Variants in PGM1 observed in about 807,000 individuals in gnomAD.
PGM1 encodes phosphoglucomutase 1.
Under a neutral mutation model 55.6 loss-of-function variants are expected in PGM1, and 52 were observed. The observed-to-expected ratio is 0.94, with a 90% CI of 0.75 to 1.18. The LOEUF is 1.18. Among genes scored for constraint, PGM1 ranks in the 50% most tolerant of loss-of-function variants. The probability of loss-of-function intolerance (pLI) is 0.00; values close to 1 mark genes in which losing one functional copy is unlikely to be tolerated. For missense variants in PGM1, 724 were observed against 729.3 expected, an observed-to-expected ratio of 0.99 and a Z score of 0.08; for synonymous variants, 287 against 271.7, an observed-to-expected ratio of 1.06 and a Z score of -0.55.
rs1649810104 is a variant in PGM1 at position 63,651,658 on chromosome 1, A to G, written c.1281-11A>G. On this transcript the variant is annotated splice_polypyrimidine_tract_variant and intron_variant, in intron 8 of 10. Coordinates refer to ENST00000371084, the MANE Select transcript of PGM1 (RefSeq NM_002633.3). ...TCAGCCCGTGGGCCTCAACTTCGTG[A>G]CTTCTTCCAGGTATGATTACGAGGA... 1 of 1,613,020 alleles carries G rather than the reference A, an allele frequency of 6.2e-7. No homozygotes were observed. Among genetic ancestry groups the G allele is most frequent in the Non-Finnish European group, 8.5e-7 (1 of 1,179,432 alleles).
intron 1 of PGM1, chr1:63,594,124 C>T (rs1360614986): frequency 2.0e-6 from 2 of 1,004,910 alleles, no homozygotes; most frequent in Non-Finnish European, 2.4e-6. Flanking sequence ...GCGCAGAGTG[C>T]TGTCGCCTTA....
chr1:63,655,143 T>TC, intron 10 of PGM1, among the ~76,000 whole-genome samples: 1 of 151,522 alleles, frequency 6.6e-6, no homozygotes, highest in East Asian at 1.9e-4. Context: ...TCATTTCCTT[T>TC]TTTTTTTTTT....
chr1:63,652,936 T>C (rs1186730686), intron 9 of PGM1, among the ~76,000 whole-genome samples: 1 of 152,046 alleles, frequency 6.6e-6, no homozygotes. Flanking sequence ...GAGAGACCTG[T>C]GGTTGAGGAA....
chr1:63,654,967 C>CTTTT (rs58711467), intron 10 of PGM1, among the ~76,000 whole-genome samples: 2 of 131,624 alleles, frequency 1.5e-5, no homozygotes, highest in African/African-American at 5.7e-5. Context: ...ATGAATCTCT[C>CTTTT]TTTTTTTTTT....
intron 1 of PGM1, among the ~76,000 whole-genome samples, chr1:63,627,058 C>G (rs1052332149): frequency 8.1e-6 from 1 of 123,130 alleles, no homozygotes; most frequent in African/African-American, 3.1e-5. Flanking sequence ...GCAGGACCCC[C>G]CCCCCCCCAC....
chr1:63,621,375 C>T (rs1265306876), intron 1 of PGM1, among the ~76,000 whole-genome samples: 1 of 151,834 alleles, frequency 6.6e-6, no homozygotes, highest in Non-Finnish European at 1.5e-5. Flanking sequence ...CCAAATTTAC[C>T]CTGGGATTTC....
chr1:63,623,622 G>A (rs1648944351), intron 1 of PGM1: 2 of 1,612,726 alleles, frequency 1.2e-6, no homozygotes, highest in South Asian at 2.2e-5. Context: ...CATGCTATCT[G>A]GAGAATTTCA....
rs201050377 is a variant in PGM1 at position 63,627,064 on chromosome 1, C to G, written c.247-2361C>G. Among the ~76,000 whole-genome samples, 11 of 130,782 alleles carry G rather than the reference C, an allele frequency of 8.4e-5. No individual in the cohort carries two copies. The South Asian group carries it at 1.1e-3, about 13-fold the overall frequency. The allele number at this position is 130,782 out of a possible 152,430, so 85.8% of individuals were successfully genotyped here. ...TGGCATATGGCAGGACCCCCCCCCCCCCACACACACACACACTTTTAAGGC... is the reference window on the plus strand; with the variant it reads ...TGGCATATGGCAGGACCCCCCCCCCGCCACACACACACACACTTTTAAGGC... On this transcript the variant is annotated intron_variant, in intron 1 of 10. Transcript: ENST00000371084.
chr1:63,630,991 A>G (rs945346493), intron 3 of PGM1, among the ~76,000 whole-genome samples: 11 of 152,324 alleles, frequency 7.2e-5, no homozygotes, highest in South Asian at 6.2e-4. Context: ...AGAAGATTCC[A>G]GTAGGGAGTT....
At chr1:63,608,327 G>C (rs1648479237) in intron 1 of PGM1, among the ~76,000 whole-genome samples, 1 of 152,150 alleles carries the variant, frequency 6.6e-6, no homozygotes, top group Non-Finnish European at 1.5e-5. Flanking sequence ...AACCTGCTTT[G>C]GTGAGGCATT....
intron 7 of PGM1, among the ~76,000 whole-genome samples, chr1:63,643,010 G>A (rs77137528): frequency 9.3e-4 from 141 of 152,232 alleles, no homozygotes; most frequent in African/African-American, 3.3e-3. Flanking sequence ...GAAGTACAGG[G>A]GTACTTCGGG....
At chr1:63,617,827 C>G (rs1176319522) in intron 1 of PGM1, among the ~76,000 whole-genome samples, 1 of 148,498 alleles carries the variant, frequency 6.7e-6, no homozygotes, top group East Asian at 2.0e-4. Flanking sequence ...TCATTTTCCT[C>G]TCTCTCTGCT....
At chr1:63,609,014 G>A (rs1487683396) in intron 1 of PGM1, among the ~76,000 whole-genome samples, 1 of 152,208 alleles carries the variant, frequency 6.6e-6, no homozygotes, top group Admixed American at 6.5e-5. Context: ...AAATACTGAG[G>A]CCATTGGAAG....
intron 9 of PGM1, among the ~76,000 whole-genome samples, chr1:63,652,691 C>T (rs1342806616): frequency 6.6e-6 from 1 of 152,186 alleles, no homozygotes; most frequent in Non-Finnish European, 1.5e-5. Context: ...TTGGCCTGGT[C>T]CTTGTCAAGG....
Position 63,635,017 on chromosome 1 carries a change from G to A in PGM1, c.871G>A (p.Gly291Arg), listed in dbSNP as rs772768778. 3.2e-5 allele frequency: 52 copies of A among 1,613,366 alleles called. No homozygotes were observed. The highest frequency in any genetic ancestry group is 8.3e-5 in the Admixed American group (5 of 60,000). Residue 291 changes from glycine to arginine, a missense_variant and splice_region_variant, in exon 5 of 11, where the codon GGG becomes AGG. Transcript: ENST00000371084. Reference sequence around the variant, plus strand: ...TTTTGGGGCTGCCTTTGATGGAGATGGGGTGGGTATAAGTGCATTTAAGTG... The same window carrying A: ...TTTTGGGGCTGCCTTTGATGGAGATAGGGTGGGTATAAGTGCATTTAAGTG... ...HDFGAAFDGD[G>R]DRNMILGKHG...
chr1:63,654,246 T>A, intron 9 of PGM1, 86 bp from the exon 10 acceptor site: 4 of 1,340,292 alleles, frequency 3.0e-6, no homozygotes, highest in Non-Finnish European at 4.3e-6. Flanking sequence ...ATGGATGAAA[T>A]TACATCCCCA....
intron 1 of PGM1, among the ~76,000 whole-genome samples, chr1:63,627,938 C>T (rs1261543194): frequency 6.6e-6 from 1 of 152,140 alleles, no homozygotes; most frequent in Non-Finnish European, 1.5e-5. Flanking sequence ...CCACCATGGC[C>T]GCTAATGTGC....
intron 1 of PGM1, among the ~76,000 whole-genome samples, chr1:63,594,450 G>T (rs1039989331): frequency 2.6e-5 from 4 of 152,156 alleles, no homozygotes; most frequent in African/African-American, 9.6e-5. Context: ...TTCCACCGAC[G>T]GGGCTGGAGC....
At position 63,631,790 on chromosome 1, in the gene PGM1, A is replaced by G; in HGVS notation, c.682+8A>G. On this transcript the variant is annotated splice_region_variant and intron_variant, in intron 4 of 10. Transcript: ENST00000371084. ...TTGATGCTATGCATGGAGGTATACA[A>G]TCATTTCTTTTCAATTCCCATCTCT... 2 of 1,613,604 alleles carry G rather than the reference A, an allele frequency of 1.2e-6. No individual in the cohort carries two copies. The highest frequency in any genetic ancestry group is 1.7e-6 in the Non-Finnish European group (2 of 1,179,590).
Sources: allele counts gnomAD v4.1 joint callset (sites outside exome capture counted in the v4.1 genomes callset), GRCh38; gene constraint gnomAD v4.1.1; transcripts MANE v1.5; gene names NCBI Gene and HGNC (gene_info 2026-07-23, HGNC 2026-07-21).